RPTOR: variants seen among roughly 807,000 people sequenced by gnomAD.
RPTOR encodes regulatory-associated protein of mTOR.
Under a neutral mutation model 169.9 loss-of-function variants are expected in RPTOR, and 21 were observed. The ratio of observed to expected loss-of-function variants is 0.12; its 90% CI spans 0.09 to 0.18. The LOEUF is 0.18. Ranked by LOEUF, RPTOR falls within the 10% of genes least tolerant of loss-of-function variation. The probability of loss-of-function intolerance (pLI) is 1.00; values close to 1 mark genes in which losing one functional copy is unlikely to be tolerated. For missense variants in RPTOR, 1,133 were observed against 1,855.9 expected (o/e 0.61, Z 7.16); for synonymous variants, 732 against 753.2 (o/e 0.97, Z 0.46).
At chr17:80,590,138 C>G (rs1255899703) in intron 1 of RPTOR, among the ~76,000 whole-genome samples, 1 of 152,288 alleles carries the variant, frequency 6.6e-6, no homozygotes, top group African/African-American at 2.4e-5. Context: ...TCAAGATGAT[C>G]ATATGCTTTT....
chr17:80,913,681 A>C (rs1387032120), intron 21 of RPTOR, among the ~76,000 whole-genome samples: 76 of 152,160 alleles, frequency 5.0e-4, no homozygotes, highest in Middle Eastern at 3.4e-3. Context: ...TCAAACTCCT[A>C]GGCTCAAGTG....
In RPTOR at chr17:80,548,371, GTTTTTTT is replaced by G. The variant is rs34301408; in HGVS notation, c.162+2601_162+2607del. Among the ~76,000 whole-genome samples the G allele has an allele frequency of 9.6e-3, 606 of 63,420 alleles. 8 individuals are homozygous for G. Among genetic ancestry groups the G allele is most frequent in the African/African-American group, 0.03 (574 of 18,980 alleles). 41.6% of individuals were successfully genotyped at this position (63,420 alleles called of 152,430 possible). ...CAGCCAACACGCTCAGCCTGGGGTG[GTTTTTTT>G]TTTTTTTTTTTTTTTTTTTTGAGAT... On this transcript the variant is annotated intron_variant, in intron 1 of 33. Transcript: ENST00000306801.
At chr17:80,791,997 G>GCCT (rs534823008) in intron 7 of RPTOR, among the ~76,000 whole-genome samples, 145 of 152,230 alleles carry the variant, frequency 9.5e-4, no homozygotes, top group African/African-American at 3.3e-3. Context: ...ATTTAGTCAG[G>GCCT]CCTATGAAGA....
intron 21 of RPTOR, among the ~76,000 whole-genome samples, chr17:80,912,315 A>G (rs914576594): frequency 3.9e-5 from 6 of 152,270 alleles, no homozygotes; most frequent in Admixed American, 3.9e-4. Flanking sequence ...TCCTGACTGC[A>G]CAGTTGGAGG....
chr17:80,923,918 C>G, intron 23 of RPTOR: 1 of 532,214 alleles, frequency 1.9e-6, no homozygotes, highest in Non-Finnish European at 3.3e-6. Flanking sequence ...TGCCTGCACT[C>G]TTTAGGAGCA....
At chr17:80,811,309 C>T (rs189106241) in intron 7 of RPTOR, among the ~76,000 whole-genome samples, 6 of 152,328 alleles carry the variant, frequency 3.9e-5, no homozygotes, top group East Asian at 1.9e-4. Flanking sequence ...TGTTGGAATT[C>T]GTCAGCGGCT....
chr17:80,881,833 T>C (rs1334122984), intron 14 of RPTOR, among the ~76,000 whole-genome samples: 1 of 152,170 alleles, frequency 6.6e-6, no homozygotes, highest in East Asian at 1.9e-4. Context: ...ACTCAATAAA[T>C]AAATAATATA....
Position 80,823,307 on chromosome 17 carries a change from AG to A in RPTOR, c.1136+87del. 1.3e-6 allele frequency: 2 copies of A among 1,537,684 alleles called. No homozygotes were observed. Among genetic ancestry groups the A allele is most frequent in the East Asian group, 4.5e-5 (2 of 44,132 alleles). Reference sequence around the variant, plus strand: ...GTCATGGAATTGCACGGAGCTGGGCAGGGAGGCCCCACACCTAACTTGGGGA... The same window carrying A: ...GTCATGGAATTGCACGGAGCTGGGCAGGAGGCCCCACACCTAACTTGGGGA... On this transcript the variant is annotated intron_variant, in intron 9 of 33. Transcript: ENST00000306801. The surrounding 1 kb of genome is among the most constrained non-coding windows in gnomAD (Gnocchi z 4.5).
At chr17:80,894,530 A>C (rs1322986841) in intron 20 of RPTOR, among the ~76,000 whole-genome samples, 1 of 152,210 alleles carries the variant, frequency 6.6e-6, no homozygotes, top group African/African-American at 2.4e-5. Flanking sequence ...CCTGGGTCCT[A>C]CCACCAGGAT....
At chr17:80,773,858 G>A (rs1355050171) in intron 6 of RPTOR, 1 of 985,232 alleles carries the variant, frequency 1.0e-6, no homozygotes, top group East Asian at 1.1e-4. Flanking sequence ...GTGTTCTGTT[G>A]TGCATCAGAG....
intron 6 of RPTOR, among the ~76,000 whole-genome samples, chr17:80,766,834 AG>A (rs2066792429): frequency 7.2e-6 from 1 of 139,168 alleles, no homozygotes; most frequent in African/African-American, 2.8e-5. Context: ...CTTTAAGTCC[AG>A]AAAAAAAAGA....
At chr17:80,577,487 C>T (rs1220844167) in intron 1 of RPTOR, among the ~76,000 whole-genome samples, 1 of 152,118 alleles carries the variant, frequency 6.6e-6, no homozygotes, top group Non-Finnish European at 1.5e-5. Context: ...CTATGTGGCC[C>T]AGGCTTGTCT....
intron 4 of RPTOR, among the ~76,000 whole-genome samples, chr17:80,724,886 C>T (rs1217477638): frequency 6.6e-6 from 1 of 152,204 alleles, no homozygotes; most frequent in African/African-American, 2.4e-5. Context: ...TCGTTCTGCC[C>T]ACCTCACCCA....
intron 1 of RPTOR, among the ~76,000 whole-genome samples, chr17:80,604,124 C>T (rs1254018350): frequency 6.6e-6 from 1 of 152,204 alleles, no homozygotes; most frequent in Non-Finnish European, 1.5e-5. Flanking sequence ...GGAATAAAAA[C>T]CTGAAAACAA....
chr17:80,885,470 G>A (rs1450505962), intron 17 of RPTOR, among the ~76,000 whole-genome samples: 4 of 133,348 alleles, frequency 3.0e-5, no homozygotes. Flanking sequence ...TGGCGGGAAG[G>A]TTTGTGTGCT....
chr17:80,626,473 C>T (rs1435659788), intron 2 of RPTOR, among the ~76,000 whole-genome samples: 1 of 152,164 alleles, frequency 6.6e-6, no homozygotes, highest in Non-Finnish European at 1.5e-5. Flanking sequence ...AATGGAACCA[C>T]TTCCAGCAAA....
intron 3 of RPTOR, among the ~76,000 whole-genome samples, chr17:80,677,791 A>G (rs893410657): frequency 1.5e-4 from 22 of 146,126 alleles, no homozygotes; most frequent in Non-Finnish European, 2.7e-4. Context: ...AGAAAGATCT[A>G]CTCCTTTATT....
In RPTOR at chr17:80,838,140, T is replaced by C. The variant is rs574807284; in HGVS notation, c.1212+143T>C. ...TTCACCTGCCTGGAAAAAATGTAGT[T>C]GCCAGAGTTTAAAACATCGAGTCAA... On this transcript the variant is annotated intron_variant, in intron 10 of 33. Transcript: ENST00000306801. 4 of 640,070 alleles carry C rather than the reference T, an allele frequency of 6.2e-6. No individual in the cohort carries two copies. In the East Asian group the frequency reaches 8.4e-5, roughly 13 times the overall value. The allele number at this position is 640,070 out of a possible 1,614,324, so 39.6% of individuals were successfully genotyped here.
rs576103615 is a variant in RPTOR, at chr17:80,726,780, A to C, written c.508-3780A>C. On this transcript the variant is annotated intron_variant, in intron 4 of 33. Coordinates refer to ENST00000306801, the MANE Select transcript of RPTOR (RefSeq NM_020761.3). This position sits in a 1 kb window ranked among gnomAD's most constrained non-coding sequence, Gnocchi z 4.5. The stretch of plus-strand genomic sequence containing the variant: ...ACATTATAGGAGGTAAATAAATAGC[A>C]CGCAGTGTTCTGGGGGTAAAAAGAT... Among the ~76,000 whole-genome samples, 6 of 152,290 alleles carry C rather than the reference A, an allele frequency of 3.9e-5. No homozygotes were observed. The South Asian group carries it at 1.2e-3, about 32-fold the overall frequency.
Sources: allele counts gnomAD v4.1 joint callset (sites outside exome capture counted in the v4.1 genomes callset), GRCh38; gene constraint gnomAD v4.1.1; non-coding constraint Gnocchi (gnomAD v3.1); transcripts MANE v1.5; gene names NCBI Gene and HGNC (gene_info 2026-07-23, HGNC 2026-07-21).